Variants in THSD7B observed in about 807,000 individuals in gnomAD.
THSD7B encodes the protein thrombospondin type-1 domain-containing protein 7B.
In THSD7B, 138 loss-of-function variants were observed where a neutral mutation model predicts 213.6. The ratio of observed to expected loss-of-function variants is 0.65; its 90% CI spans 0.56 to 0.74. The LOEUF (loss-of-function observed/expected upper bound fraction) is 0.74, where lower values mean the gene tolerates loss of function less well. THSD7B is among the 30% of genes least tolerant of loss of function. The pLI, the probability that THSD7B is intolerant of heterozygous loss-of-function variation, is 0.00. For synonymous variants in THSD7B, 742 were observed against 687.0 expected, an observed-to-expected ratio of 1.08 and a Z score of -1.25; for missense variants, 1,931 against 1,991.5, an observed-to-expected ratio of 0.97 and a Z score of 0.58.
chr2:136,774,904 C>T (rs1042137004), intron 1 of THSD7B, among the ~76,000 whole-genome samples: 8 of 151,958 alleles, frequency 5.3e-5, no homozygotes, highest in Non-Finnish European at 2.9e-5. Context: ...GCAAGACAAA[C>T]GAATGTAAAG....
chr2:136,821,447 C>T (rs1194092079), intron 1 of THSD7B, among the ~76,000 whole-genome samples: 1 of 152,228 alleles, frequency 6.6e-6, no homozygotes, highest in Admixed American at 6.5e-5. Context: ...GACTGGCTAG[C>T]ATGAACTGCT....
chr2:136,773,311 C>G (rs1381819980), intron 1 of THSD7B, among the ~76,000 whole-genome samples: 1 of 151,944 alleles, frequency 6.6e-6, no homozygotes, highest in East Asian at 1.9e-4. Flanking sequence ...TTTTATTTTA[C>G]AAATATAGAA....
intron 15 of THSD7B, among the ~76,000 whole-genome samples, chr2:137,512,454 T>C (rs1679983083): frequency 7.4e-6 from 1 of 134,602 alleles, no homozygotes; most frequent in Non-Finnish European, 1.5e-5. Context: ...AGCAATGGCA[T>C]AATCACAGCT....
At chr2:137,300,236 GA>G (rs1311364124) in intron 12 of THSD7B, among the ~76,000 whole-genome samples, 4 of 152,058 alleles carry the variant, frequency 2.6e-5, no homozygotes, top group Admixed American at 1.3e-4. Context: ...CTTAACCAAA[GA>G]AAAGTTAATT....
intron 3 of THSD7B, among the ~76,000 whole-genome samples, chr2:137,082,823 C>G (rs986675630): frequency 6.6e-6 from 1 of 152,048 alleles, no homozygotes; most frequent in Non-Finnish European, 1.5e-5. Flanking sequence ...GAGAGTGGTA[C>G]TGCATTTTAA....
chr2:136,863,782 G>C (rs1057061562), intron 1 of THSD7B, among the ~76,000 whole-genome samples: 7 of 152,108 alleles, frequency 4.6e-5, no homozygotes, highest in African/African-American at 1.7e-4. Flanking sequence ...TTTCATTATT[G>C]AGCTTCAACA....
intron 15 of THSD7B, among the ~76,000 whole-genome samples, chr2:137,465,793 C>G (rs1392371210): frequency 6.6e-6 from 1 of 152,104 alleles, no homozygotes; most frequent in African/African-American, 2.4e-5. Flanking sequence ...CAATGACTCT[C>G]TGAACCACTA....
At chr2:136,933,560 C>G (rs1684669004) in intron 2 of THSD7B, among the ~76,000 whole-genome samples, 1 of 152,110 alleles carries the variant, frequency 6.6e-6, no homozygotes, top group African/African-American at 2.4e-5. Context: ...ACCTGGGTGA[C>G]AGAGGGAGAC....
At chr2:136,928,987 T>G (rs28500695) in intron 2 of THSD7B, among the ~76,000 whole-genome samples, 11,293 of 152,240 alleles carry the variant, frequency 0.074, 675 homozygotes, top group African/African-American at 0.16. Flanking sequence ...GAAATGAAAT[T>G]TGAAGATGAG....
intron 2 of THSD7B, among the ~76,000 whole-genome samples, chr2:137,037,583 C>T (rs979148359): frequency 6.6e-6 from 1 of 151,934 alleles, no homozygotes; most frequent in Non-Finnish European, 1.5e-5. Context: ...TTTTATTTCC[C>T]AACAGGTCTT....
At chr2:136,925,467 A>G (rs1017925235) in intron 2 of THSD7B, among the ~76,000 whole-genome samples, 18 of 152,318 alleles carry the variant, frequency 1.2e-4, no homozygotes, top group East Asian at 9.6e-4. Context: ...AATGTGGTCT[A>G]TTACATTGAT....
intron 15 of THSD7B, among the ~76,000 whole-genome samples, chr2:137,560,727 A>G (rs1484201039): frequency 2.0e-5 from 3 of 151,960 alleles, no homozygotes; most frequent in African/African-American, 7.2e-5. Context: ...ATATATATAT[A>G]TAAAGAAATG....
chr2:137,181,283 T>C (rs192236990), intron 7 of THSD7B, among the ~76,000 whole-genome samples: 1 of 152,318 alleles, frequency 6.6e-6, no homozygotes, highest in East Asian at 1.9e-4. Context: ...GTAGAGATAT[T>C]CCTAGAGGAG....
chr2:137,500,295 A>C (rs1017706701), intron 15 of THSD7B, among the ~76,000 whole-genome samples: 7 of 152,262 alleles, frequency 4.6e-5, no homozygotes, highest in Non-Finnish European at 1.0e-4. Flanking sequence ...TCTAAGGTTC[A>C]ATCTACCACA....
chr2:137,410,922 G>A (rs549086737), intron 13 of THSD7B, among the ~76,000 whole-genome samples: 46 of 152,326 alleles, frequency 3.0e-4, no homozygotes, highest in Non-Finnish European at 5.7e-4. Context: ...TGATTACCAA[G>A]TGTTTACAGC....
At chr2:137,089,535 T>C (rs536194334) in intron 3 of THSD7B, among the ~76,000 whole-genome samples, 29 of 152,004 alleles carry the variant, frequency 1.9e-4, no homozygotes, top group African/African-American at 7.0e-4. Flanking sequence ...TGGAGACTAT[T>C]ACTCTAAGTC....
chr2:137,445,687 C>G (rs1477094805), intron 14 of THSD7B, among the ~76,000 whole-genome samples: 1 of 151,814 alleles, frequency 6.6e-6, no homozygotes, highest in Non-Finnish European at 1.5e-5. Context: ...AGAATAAGAT[C>G]TAGCATTCAA....
chr2:137,503,455 G>A (rs1356937459), intron 15 of THSD7B, among the ~76,000 whole-genome samples: 1 of 151,504 alleles, frequency 6.6e-6, no homozygotes, highest in Non-Finnish European at 1.5e-5. Context: ...ACGTACTGAG[G>A]GACAGAGACA....
chr2:137,333,146 T>C (rs1267722071), intron 12 of THSD7B, among the ~76,000 whole-genome samples: 1 of 152,192 alleles, frequency 6.6e-6, no homozygotes, highest in Non-Finnish European at 1.5e-5. Flanking sequence ...GGTAGATTGA[T>C]GGATGCTAAG....
Sources: allele counts gnomAD v4.1 joint callset (sites outside exome capture counted in the v4.1 genomes callset), GRCh38; gene constraint gnomAD v4.1.1; transcripts MANE v1.5; gene names NCBI Gene and HGNC (gene_info 2026-07-23, HGNC 2026-07-21).